The following WDR70 variants were observed in gnomAD, a reference collection of about 807,000 sequenced individuals.
WDR70 encodes WD repeat domain 70.
Under a neutral mutation model 88.6 loss-of-function variants are expected in WDR70, and 53 were observed. The ratio of observed to expected loss-of-function variants is 0.60; its 90% CI spans 0.48 to 0.75. WDR70 has a LOEUF of 0.75. WDR70 is among the 30% of genes least tolerant of loss of function. The pLI, the probability that WDR70 is intolerant of heterozygous loss-of-function variation, is 0.00. For missense variants in WDR70, 610 were observed against 823.2 expected, an observed-to-expected ratio of 0.74 and a Z score of 3.17; for synonymous variants, 280 against 270.0, an observed-to-expected ratio of 1.04 and a Z score of -0.36.
At chr5:37,621,430 C>T (rs981190519) in intron 10 of WDR70, among the ~76,000 whole-genome samples, 2 of 151,996 alleles carry the variant, frequency 1.3e-5, no homozygotes, top group East Asian at 1.9e-4. Context: ...TTTCATCACC[C>T]GATAAAGACA....
chr5:37,493,397 G>A (rs894495486), intron 8 of WDR70, among the ~76,000 whole-genome samples: 1 of 152,190 alleles, frequency 6.6e-6, no homozygotes, highest in African/African-American at 2.4e-5. Context: ...TGCATCTAAT[G>A]GAGATTGCAC....
intron 9 of WDR70, among the ~76,000 whole-genome samples, chr5:37,578,334 C>T (rs373711502): frequency 6.6e-6 from 1 of 151,772 alleles, no homozygotes; most frequent in Non-Finnish European, 1.5e-5. Flanking sequence ...TTTTCTTTGC[C>T]TTTTTTGGAC....
intron 8 of WDR70, among the ~76,000 whole-genome samples, chr5:37,512,344 C>G (rs1036320579): frequency 2.6e-5 from 4 of 152,042 alleles, no homozygotes; most frequent in African/African-American, 7.2e-5. Context: ...ACCTCAGCCT[C>G]CCAAATAACT....
chr5:37,408,184 G>A (rs2111945448), intron 5 of WDR70, among the ~76,000 whole-genome samples: 1 of 152,044 alleles, frequency 6.6e-6, no homozygotes, highest in Non-Finnish European at 1.5e-5. Context: ...GAAGGTAGAG[G>A]GACAAGGTCA....
At position 37,711,987 on chromosome 5, in the gene WDR70, C is replaced by CTTTT. The variant is rs70978842; in HGVS notation, c.1416+8917_1416+8920dup. Among the ~76,000 whole-genome samples the CTTTT allele has an allele frequency of 2.8e-4, 29 of 104,020 alleles. 1 individual carries two copies. Among genetic ancestry groups the CTTTT allele is most frequent in the South Asian group, 6.2e-4 (2 of 3,238 alleles). 68.2% of individuals were successfully genotyped at this position (104,020 alleles called of 152,430 possible). On this transcript the variant is annotated intron_variant, in intron 13 of 17. Transcript: ENST00000265107. ...TGGAATTTCAGTGCATATATTTTTT[C>CTTTT]TTTTTTTTTTTTTTTTTTTTCTTGA...
intron 8 of WDR70, among the ~76,000 whole-genome samples, chr5:37,486,936 TTTCTTTTGCTGTGCAGAAGC>T (rs1739892726): frequency 6.6e-6 from 1 of 152,142 alleles, no homozygotes; most frequent in African/African-American, 2.4e-5. Context: ...CTGTTGAGAG[TTTCTTTTGCTGTGCAGAAGC>T]TTCAAGAAGA....
intron 13 of WDR70, among the ~76,000 whole-genome samples, chr5:37,720,612 G>A (rs1454948955): frequency 1.3e-5 from 2 of 152,176 alleles, no homozygotes; most frequent in Non-Finnish European, 2.9e-5. Context: ...CTCATAGATA[G>A]GGAGACATTA....
intron 10 of WDR70, among the ~76,000 whole-genome samples, chr5:37,678,785 C>G (rs1746318072): frequency 6.6e-6 from 1 of 152,214 alleles, no homozygotes; most frequent in South Asian, 2.1e-4. Context: ...GCCTGCCTTG[C>G]TAGATTGGGG....
At chr5:37,499,827 A>G (rs1300229428) in intron 8 of WDR70, among the ~76,000 whole-genome samples, 2 of 152,194 alleles carry the variant, frequency 1.3e-5, no homozygotes, top group Admixed American at 1.3e-4. Context: ...TGCTGGGATT[A>G]CAGGCGTGAG....
chr5:37,581,412 GACTTGTTCAATATC>G (rs1743213430), intron 9 of WDR70, among the ~76,000 whole-genome samples: 1 of 152,152 alleles, frequency 6.6e-6, no homozygotes, highest in African/African-American at 2.4e-5. Context: ...GAGGTCAAGT[GACTTGTTCAATATC>G]ACCAGTTAGG....
chr5:37,561,239 G>A (rs1251940666), intron 9 of WDR70, among the ~76,000 whole-genome samples: 3 of 152,082 alleles, frequency 2.0e-5, no homozygotes, highest in African/African-American at 7.2e-5. Context: ...TAAGTGCCAC[G>A]AAGACGGGAC....
At chr5:37,673,582 T>TCCCCC (rs1222254300) in intron 10 of WDR70, among the ~76,000 whole-genome samples, 10 of 48,548 alleles carry the variant, frequency 2.1e-4, no homozygotes, top group South Asian at 9.9e-4. Flanking sequence ...TGACTTTTCT[T>TCCCCC]ACCCCCCCCC....
chr5:37,548,276 G>T (rs765687285), intron 9 of WDR70, among the ~76,000 whole-genome samples: 7 of 152,034 alleles, frequency 4.6e-5, no homozygotes, highest in Non-Finnish European at 7.4e-5. Flanking sequence ...TAGTATGAGG[G>T]TTCCTTTTTC....
intron 8 of WDR70, among the ~76,000 whole-genome samples, chr5:37,488,247 T>G (rs1042505001): frequency 2.0e-5 from 3 of 151,920 alleles, no homozygotes; most frequent in Non-Finnish European, 2.9e-5. Context: ...TGTCTTTGAC[T>G]TTTGACAATC....
chr5:37,485,840 C>T (rs1006471092), intron 8 of WDR70, among the ~76,000 whole-genome samples: 2 of 148,258 alleles, frequency 1.3e-5, no homozygotes, highest in Non-Finnish European at 3.0e-5. Flanking sequence ...TACAGGCATG[C>T]GCCACCATGC....
rs141648758 is a variant in WDR70, at chr5:37,486,063, A to G, written c.840+6076A>G. Among the ~76,000 whole-genome samples, 466 of 151,978 alleles carry G rather than the reference A, an allele frequency of 3.1e-3. 1 individual carries two copies. Among genetic ancestry groups the G allele is most frequent in the Admixed American group, 5.1e-3 (78 of 15,262 alleles). On this transcript the variant is annotated intron_variant, in intron 8 of 17. Transcript: ENST00000265107. ...ACATACAACAAAAGTAGGTGTTGGTAAGTTTACAAAAATGTGACCAGTAGC... is the reference window on the plus strand; with the variant it reads ...ACATACAACAAAAGTAGGTGTTGGTGAGTTTACAAAAATGTGACCAGTAGC...
At chr5:37,615,995 A>G (rs1744329124) in intron 10 of WDR70, among the ~76,000 whole-genome samples, 1 of 152,166 alleles carries the variant, frequency 6.6e-6, no homozygotes, top group Non-Finnish European at 1.5e-5. Flanking sequence ...GTTAAACGCA[A>G]TACTTACTAC....
intron 9 of WDR70, among the ~76,000 whole-genome samples, chr5:37,593,491 A>G (rs574451483): frequency 6.6e-6 from 1 of 152,182 alleles, no homozygotes; most frequent in South Asian, 2.1e-4. Context: ...ATCCTTTTTT[A>G]TGGCTGCATA....
chr5:37,447,266 A>G (rs1361563565), intron 7 of WDR70, among the ~76,000 whole-genome samples: 1 of 152,194 alleles, frequency 6.6e-6, no homozygotes, highest in African/African-American at 2.4e-5. Flanking sequence ...TAGAATGGTG[A>G]TCATTACAAA....
Sources: allele counts gnomAD v4.1 joint callset (sites outside exome capture counted in the v4.1 genomes callset), GRCh38; gene constraint gnomAD v4.1.1; transcripts MANE v1.5; gene names NCBI Gene and HGNC (gene_info 2026-07-23, HGNC 2026-07-21).